The following TENT2 variants were observed in gnomAD, a reference collection of about 807,000 sequenced individuals.
TENT2 encodes terminal nucleotidyltransferase 2.
Under a neutral mutation model 72.2 loss-of-function variants are expected in TENT2, and 44 were observed. That is an observed-to-expected ratio of 0.61 (90% CI 0.48 to 0.78). The LOEUF (loss-of-function observed/expected upper bound fraction) is 0.78, where lower values mean the gene tolerates loss of function less well. Among genes scored for constraint, TENT2 ranks in the 30% least tolerant of loss-of-function variants. The probability of loss-of-function intolerance (pLI) is 0.00; values close to 1 mark genes in which losing one functional copy is unlikely to be tolerated. For synonymous variants in TENT2, 212 were observed against 192.5 expected (o/e 1.10, Z -0.84); for missense variants, 541 against 569.6 (o/e 0.95, Z 0.51).
Position 79,644,023 on chromosome 5 carries a change from C to T in TENT2, c.752-1100C>T, listed in dbSNP as rs145219237. On this transcript the variant is annotated intron_variant, in intron 7 of 14. Coordinates refer to ENST00000453514, the MANE Select transcript of TENT2 (RefSeq NM_001114394.3). ...TTTGAGACAGAGTCTCGCTCTATCA[C>T]GAGGCTGGAGTGCAGTAGCATGATC... is the stretch of plus-strand genomic sequence containing the variant. 2.5e-3 allele frequency among the ~76,000 whole-genome samples: 373 copies of T among 150,326 alleles called. 2 individuals carry two copies. Among genetic ancestry groups the T allele is most frequent in the African/African-American group, 8.8e-3 (358 of 40,648 alleles).
intron 7 of TENT2, among the ~76,000 whole-genome samples, chr5:79,643,529 A>T (rs1277867080): frequency 1.3e-5 from 2 of 152,216 alleles, no homozygotes; most frequent in African/African-American, 4.8e-5. Context: ...ACTGTGTGAT[A>T]TTGGAAAGAC....
At chr5:79,637,098 G>A (rs1780729638) in intron 4 of TENT2, among the ~76,000 whole-genome samples, 1 of 152,082 alleles carries the variant, frequency 6.6e-6, no homozygotes, top group Admixed American at 6.5e-5. Flanking sequence ...ACCAGATGTG[G>A]TGCTGCACAC....
intron 11 of TENT2, among the ~76,000 whole-genome samples, chr5:79,661,384 T>C (rs1408502111): frequency 6.6e-6 from 1 of 152,070 alleles, no homozygotes; most frequent in Non-Finnish European, 1.5e-5. Context: ...TTTTTAGATA[T>C]GTTTAGATCC....
chr5:79,668,829 A>G (rs868429204), intron 11 of TENT2, 63 bp from the exon 12 acceptor site: 5 of 1,504,592 alleles, frequency 3.3e-6, no homozygotes, highest in Admixed American at 2.1e-5. Context: ...TTCAGGATTT[A>G]TAAAGTTTCT....
chr5:79,640,484 A>T (rs967496253), intron 4 of TENT2, among the ~76,000 whole-genome samples: 2 of 152,184 alleles, frequency 1.3e-5, no homozygotes. Flanking sequence ...TGTTTGTTGC[A>T]TATTTTTATT....
intron 1 of TENT2, among the ~76,000 whole-genome samples, chr5:79,613,335 G>A (rs1756662477): frequency 6.6e-6 from 1 of 152,158 alleles, no homozygotes; most frequent in South Asian, 2.1e-4. Context: ...GTTTAAAGTA[G>A]CAGATATTTT....
At chr5:79,616,475 G>A (rs745324313) in intron 1 of TENT2, among the ~76,000 whole-genome samples, 2 of 151,702 alleles carry the variant, frequency 1.3e-5, no homozygotes, top group East Asian at 2.0e-4. Context: ...GATTATAGGC[G>A]TGCAGCCTAA....
chr5:79,643,094 T>C (rs1341993312), intron 7 of TENT2, 184 bp downstream of exon 7: 1 of 564,316 alleles, frequency 1.8e-6, no homozygotes, highest in Non-Finnish European at 2.2e-6. Flanking sequence ...ATTCAACATA[T>C]CTTTATTGCA....
intron 4 of TENT2, among the ~76,000 whole-genome samples, chr5:79,624,295 C>T (rs1482343161): frequency 6.6e-6 from 1 of 152,180 alleles, no homozygotes; most frequent in Non-Finnish European, 1.5e-5. Context: ...CTTTGGGTTC[C>T]TATCAACCAG....
At position 79,686,937 on chromosome 5, in the gene TENT2, A is replaced by G. The variant is rs1017967806; in HGVS notation, c.*1664A>G. Among the ~76,000 whole-genome samples the G allele has an allele frequency of 5.9e-5, 9 of 152,182 alleles. No homozygotes were observed. The highest frequency in any genetic ancestry group is 8.8e-5 in the Non-Finnish European group (6 of 68,016). ...ACTGAGTAGAGTTAATATTCTAGTG[A>G]TGACTGGGTAATCATTATAAGCATT... On this transcript the variant is annotated 3_prime_UTR_variant, in exon 15 of 15. Coordinates refer to ENST00000453514, the MANE Select transcript of TENT2 (RefSeq NM_001114394.3).
intron 3 of TENT2, among the ~76,000 whole-genome samples, chr5:79,621,399 G>A (rs1264900084): frequency 6.6e-6 from 1 of 152,102 alleles, no homozygotes; most frequent in African/African-American, 2.4e-5. Flanking sequence ...TAATAGTATT[G>A]ACTTTATTCA....
intron 4 of TENT2, among the ~76,000 whole-genome samples, chr5:79,639,993 A>C (rs544097267): frequency 2.0e-5 from 3 of 152,264 alleles, no homozygotes; most frequent in Admixed American, 2.0e-4. Flanking sequence ...GTGATGGCTC[A>C]CACCTGTAAT....
intron 13 of TENT2, 30 bp from the exon 14 acceptor site, chr5:79,681,952 T>G: frequency 6.4e-7 from 1 of 1,570,396 alleles, no homozygotes; most frequent in South Asian, 1.2e-5. Flanking sequence ...TTTAATAATT[T>G]TTCCTTTACA....
At chr5:79,654,476 A>G (rs1043717859) in intron 10 of TENT2, among the ~76,000 whole-genome samples, 1 of 152,058 alleles carries the variant, frequency 6.6e-6, no homozygotes, top group Middle Eastern at 3.2e-3. Context: ...AATTGGCTAG[A>G]AATAATAACA....
intron 12 of TENT2, among the ~76,000 whole-genome samples, chr5:79,678,105 A>T (rs1158786903): frequency 6.6e-6 from 1 of 152,170 alleles, no homozygotes; most frequent in African/African-American, 2.4e-5. Context: ...CAACCCACTT[A>T]ATTTTTAAAA....
At chr5:79,658,432 C>T (rs1024743611) in intron 11 of TENT2, among the ~76,000 whole-genome samples, 2 of 151,560 alleles carry the variant, frequency 1.3e-5, no homozygotes, top group African/African-American at 4.8e-5. Flanking sequence ...CTCAAGCGAG[C>T]CTTCTACCTT....
At chr5:79,676,905 CTG>C in intron 12 of TENT2, among the ~76,000 whole-genome samples, 1 of 152,186 alleles carries the variant, frequency 6.6e-6, no homozygotes, top group South Asian at 2.1e-4. Flanking sequence ...AGGTTATGGG[CTG>C]TGTTTTAAAG....
Position 79,614,557 on chromosome 5 carries a change from T to C in TENT2, c.-38+1482T>C, listed in dbSNP as rs564577520. ...TACAGATTGTGGAACTGATAACTTT[T>C]AAGGTAAGGAAAATTGGATATTGCC... is the stretch of plus-strand genomic sequence containing the variant. On this transcript the variant is annotated intron_variant, in intron 1 of 14. Transcript: ENST00000453514. 1.2e-4 allele frequency among the ~76,000 whole-genome samples: 19 copies of C among 152,360 alleles called. No individual in the cohort carries two copies. The South Asian group carries it at 3.9e-3, about 32-fold the overall frequency.
At chr5:79,673,615 T>A (rs1177166593) in intron 12 of TENT2, among the ~76,000 whole-genome samples, 1 of 152,220 alleles carries the variant, frequency 6.6e-6, no homozygotes, top group Non-Finnish European at 1.5e-5. Context: ...TGTATGGATT[T>A]ATTTTGGCAT....
Sources: gnomAD v4.1 joint callset for allele counts (sites outside exome capture counted in the v4.1 genomes callset) on GRCh38, gnomAD v4.1.1 for gene constraint, MANE v1.5 for transcripts, NCBI Gene and HGNC (gene_info 2026-07-23, HGNC 2026-07-21) for gene names.